NTNG1: variants seen among roughly 807,000 people sequenced by gnomAD.
The protein encoded by NTNG1 is netrin-G1.
In NTNG1, 16 loss-of-function variants were observed where a neutral mutation model predicts 54.0. The observed-to-expected ratio is 0.30, with a 90% CI of 0.20 to 0.45. The LOEUF is 0.45. Among genes scored for constraint, NTNG1 ranks in the 20% least tolerant of loss-of-function variants. NTNG1 has a pLI of 1.00. For synonymous variants in NTNG1, 255 were observed against 263.1 expected (o/e 0.97, Z 0.30); for missense variants, 530 against 678.7 (o/e 0.78, Z 2.43).
At chr1:107,471,147 G>C (rs182039965) in intron 7 of NTNG1, among the ~76,000 whole-genome samples, 208 of 152,250 alleles carry the variant, frequency 1.4e-3, no homozygotes, top group African/African-American at 4.9e-3. Flanking sequence ...AGTAAGAATA[G>C]AATGGCTACT....
intron 2 of NTNG1, among the ~76,000 whole-genome samples, chr1:107,274,936 G>A (rs919569263): frequency 6.6e-6 from 1 of 152,210 alleles, no homozygotes; most frequent in Non-Finnish European, 1.5e-5. Flanking sequence ...TTCTGGAATA[G>A]ATGCTTTTCT....
intron 5 of NTNG1, among the ~76,000 whole-genome samples, chr1:107,414,273 A>T (rs754509017): frequency 1.8e-4 from 27 of 152,050 alleles, no homozygotes; most frequent in Non-Finnish European, 3.1e-4. Flanking sequence ...TTATAACCAA[A>T]ATCTCCATTT....
At chr1:107,374,195 G>T (rs544458125) in intron 3 of NTNG1, among the ~76,000 whole-genome samples, 1 of 152,068 alleles carries the variant, frequency 6.6e-6, no homozygotes, top group Non-Finnish European at 1.5e-5. Flanking sequence ...CTCGTTTGGG[G>T]CATGTTTGTT....
At chr1:107,145,700 C>T (rs1654053320) in intron 1 of NTNG1, among the ~76,000 whole-genome samples, 1 of 152,166 alleles carries the variant, frequency 6.6e-6, no homozygotes, top group South Asian at 2.1e-4. Context: ...GAAATTTAAG[C>T]TATAATTGGC....
chr1:107,346,276 G>A (rs1218842057), intron 3 of NTNG1, among the ~76,000 whole-genome samples: 1 of 152,130 alleles, frequency 6.6e-6, no homozygotes, highest in Non-Finnish European at 1.5e-5. Context: ...TTGGCTCTGG[G>A]TATAGATTTA....
chr1:107,225,051 T>C (rs1660585265), intron 2 of NTNG1, among the ~76,000 whole-genome samples: 1 of 152,200 alleles, frequency 6.6e-6, no homozygotes, highest in African/African-American at 2.4e-5. Context: ...ATATTAGTGG[T>C]TACTACTTCT....
At chr1:107,277,752 A>T (rs1027272714) in intron 2 of NTNG1, among the ~76,000 whole-genome samples, 2 of 152,210 alleles carry the variant, frequency 1.3e-5, no homozygotes, top group African/African-American at 4.8e-5. Flanking sequence ...TTGATGCTGC[A>T]TATCTTGTGA....
At chr1:107,197,005 A>G (rs1174502157) in intron 2 of NTNG1, among the ~76,000 whole-genome samples, 1 of 151,958 alleles carries the variant, frequency 6.6e-6, no homozygotes, top group Non-Finnish European at 1.5e-5. Context: ...ATACAGGACA[A>G]CCAGTTAAGT....
Position 107,468,355 on chromosome 1 carries a change from T to TAA in NTNG1, c.1391-12250_1391-12249dup, listed in dbSNP as rs534582127. On this transcript the variant is annotated intron_variant, in intron 7 of 7. Coordinates refer to ENST00000370068, the MANE Select transcript of NTNG1 (RefSeq NM_001113226.3). ...TCAAAGGCATTGAAATTCTGCCTTT[T>TAA]AAAAAAACGCGTATTTGAATTGATG... Among the ~76,000 whole-genome samples, 463 of 152,250 alleles carry TAA rather than the reference T, an allele frequency of 3.0e-3. 1 individual carries two copies. The highest frequency in any genetic ancestry group is 0.011 in the African/African-American group (446 of 41,538).
At position 107,484,693 on chromosome 1, in the gene NTNG1, AT is replaced by A. The variant is rs1307456529; in HGVS notation, c.*3857del. Among the ~76,000 whole-genome samples the A allele has an allele frequency of 2.0e-5, 3 of 152,196 alleles. No homozygotes were observed. The highest frequency in any genetic ancestry group is 4.4e-5 in the Non-Finnish European group (3 of 68,034). ...CTGTGGTCTGACTGGAGTATAAGAA[AT>A]TTTGGATGCACTGGGGGAACAACTG... On this transcript the variant is annotated 3_prime_UTR_variant, in exon 8 of 8. Coordinates refer to ENST00000370068, the MANE Select transcript of NTNG1 (RefSeq NM_001113226.3).
intron 2 of NTNG1, among the ~76,000 whole-genome samples, chr1:107,163,923 G>C (rs2101063801): frequency 6.6e-6 from 1 of 152,234 alleles, no homozygotes; most frequent in East Asian, 1.9e-4. Context: ...GGAAATGCTA[G>C]GTTCTAAATC....
intron 3 of NTNG1, among the ~76,000 whole-genome samples, chr1:107,394,345 T>C (rs762969535): frequency 4.6e-5 from 7 of 152,234 alleles, no homozygotes; most frequent in Non-Finnish European, 1.0e-4. Flanking sequence ...TATTCCATTG[T>C]TGCCTCTCAT....
chr1:107,268,660 A>C (rs1312328607), intron 2 of NTNG1, among the ~76,000 whole-genome samples: 1 of 152,076 alleles, frequency 6.6e-6, no homozygotes, highest in Non-Finnish European at 1.5e-5. Flanking sequence ...CTCACTACTG[A>C]ACTCCAGAGT....
At chr1:107,333,039 C>T (rs1668375316) in intron 3 of NTNG1, among the ~76,000 whole-genome samples, 1 of 151,946 alleles carries the variant, frequency 6.6e-6, no homozygotes, top group Non-Finnish European at 1.5e-5. Context: ...GAAACAGGAG[C>T]CTCACAAACC....
chr1:107,429,434 TATA>T (rs1260244918), intron 5 of NTNG1, among the ~76,000 whole-genome samples: 1 of 152,148 alleles, frequency 6.6e-6, no homozygotes, highest in Non-Finnish European at 1.5e-5. Context: ...CTCATCAAAA[TATA>T]ATATTTGAAA....
chr1:107,231,572 C>G (rs982574564), intron 2 of NTNG1, among the ~76,000 whole-genome samples: 1 of 151,930 alleles, frequency 6.6e-6, no homozygotes, highest in African/African-American at 2.4e-5. Flanking sequence ...GTTAGATTAT[C>G]ATACATTGCC....
chr1:107,390,661 C>G (rs2101070725), intron 3 of NTNG1, among the ~76,000 whole-genome samples: 2 of 152,252 alleles, frequency 1.3e-5, no homozygotes, highest in South Asian at 4.1e-4. Flanking sequence ...AGTCCATTGT[C>G]AAATTAGACA....
chr1:107,442,852 G>A (rs1676055278), intron 7 of NTNG1, among the ~76,000 whole-genome samples: 1 of 152,102 alleles, frequency 6.6e-6, no homozygotes, highest in Non-Finnish European at 1.5e-5. Context: ...CCAGTGTTTG[G>A]AGGGCTAACA....
chr1:107,423,119 A>G (rs568779515), intron 5 of NTNG1, among the ~76,000 whole-genome samples: 54 of 152,194 alleles, frequency 3.5e-4, no homozygotes, highest in African/African-American at 1.3e-3. Context: ...TTCCCCTTGT[A>G]AAACACCTCT....
Sources: gnomAD v4.1 joint callset for allele counts (sites outside exome capture counted in the v4.1 genomes callset) on GRCh38, gnomAD v4.1.1 for gene constraint, MANE v1.5 for transcripts, NCBI Gene and HGNC (gene_info 2026-07-23, HGNC 2026-07-21) for gene names.